Variants in OR1D2 observed in about 807,000 individuals in gnomAD.
OR1D2 encodes olfactory receptor 1D2.
For missense variants in OR1D2, 357 were observed against 376.1 expected (o/e 0.95, Z 0.42); for synonymous variants, 157 against 153.9 (o/e 1.02, Z -0.15).
rs1227669524 is a variant in OR1D2 at position 3,104,329 on chromosome 17, T to A, written c.-281A>T. On this transcript the variant is annotated 5_prime_UTR_variant, in exon 1 of 2. Coordinates refer to ENST00000641833, the MANE Select transcript of OR1D2 (RefSeq NM_002548.3). ...GGATTTCAGGCTATTGATGCCCCAATGAGATTTGTGGGATATGAGAACTGA... is the reference window on the plus strand; with the variant it reads ...GGATTTCAGGCTATTGATGCCCCAAAGAGATTTGTGGGATATGAGAACTGA... The A allele has an allele frequency of 6.6e-6, 1 of 152,068 alleles. No homozygotes were observed. The highest frequency in any genetic ancestry group is 1.9e-4 in the East Asian group (1 of 5,180). The allele number at this position is 152,068 out of a possible 1,614,324, so 9.4% of individuals were successfully genotyped here.
rs1158987352 is a variant in OR1D2, at chr17:3,091,905, A to T, written c.*153T>A. On this transcript the variant is annotated 3_prime_UTR_variant, in exon 2 of 2. Transcript: ENST00000641833. Reference sequence around the variant, plus strand: ...GATGAGACCTGGGGGACACCAGGTTACAAATATGTCTTTTTTATCACCACA... The same window carrying T: ...GATGAGACCTGGGGGACACCAGGTTTCAAATATGTCTTTTTTATCACCACA... 4.8e-6 allele frequency: 3 copies of T among 624,148 alleles called. No individual in the cohort carries two copies. Among genetic ancestry groups the T allele is most frequent in the East Asian group, 2.8e-5 (1 of 36,142 alleles). 38.7% of individuals were successfully genotyped at this position (624,148 alleles called of 1,614,324 possible). A position where few individuals can be genotyped will look rare whatever the true frequency, so the allele number is the denominator to read the frequency against.
chr17:3,103,309 C>T (rs549737432), intron 1 of OR1D2, among the ~76,000 whole-genome samples: 17 of 152,098 alleles, frequency 1.1e-4, no homozygotes, highest in Non-Finnish European at 2.2e-4. Context: ...GGCACGATCT[C>T]GGCTCACGGC....
At chr17:3,096,884 C>T (rs555712233) in intron 1 of OR1D2, among the ~76,000 whole-genome samples, 67 of 152,274 alleles carry the variant, frequency 4.4e-4, no homozygotes, top group South Asian at 2.3e-3. Context: ...GTCTATGTAA[C>T]GCTCTGCCCA....
chr17:3,091,252 C>T lies in OR1D2; in HGVS notation c.*806G>A, dbSNP rs1273281466. The T allele has an allele frequency of 1.3e-5, 2 of 152,170 alleles. No individual in the cohort carries two copies. Among genetic ancestry groups the T allele is most frequent in the Non-Finnish European group, 2.9e-5 (2 of 68,036 alleles). The allele number at this position is 152,170 out of a possible 1,614,324, so 9.4% of individuals were successfully genotyped here. A position where few individuals can be genotyped will look rare whatever the true frequency, so the allele number is the denominator to read the frequency against. ...CATCTTGTTGACATCACTCCTTTCA[C>T]CCGTTTTGAAATATCTTTTACCTGA... On this transcript the variant is annotated 3_prime_UTR_variant, in exon 2 of 2. Coordinates refer to ENST00000641833, the MANE Select transcript of OR1D2 (RefSeq NM_002548.3).
chr17:3,102,483 A>G (rs1361351352), intron 1 of OR1D2, among the ~76,000 whole-genome samples: 31 of 152,220 alleles, frequency 2.0e-4, no homozygotes, highest in Admixed American at 2.0e-3. Context: ...GGTGCTATGT[A>G]TATACATCTT....
chr17:3,098,213 C>T (rs1227815790), intron 1 of OR1D2, among the ~76,000 whole-genome samples: 1 of 152,206 alleles, frequency 6.6e-6, no homozygotes, highest in Non-Finnish European at 1.5e-5. Context: ...TGCCACCCAA[C>T]TGGGTGAGAC....
chr17:3,100,382 C>T (rs2047869239), intron 1 of OR1D2, among the ~76,000 whole-genome samples: 1 of 152,152 alleles, frequency 6.6e-6, no homozygotes, highest in African/African-American at 2.4e-5. Flanking sequence ...CATTCAAAAC[C>T]ACACAATTAC....
chr17:3,100,214 C>T (rs990487083), intron 1 of OR1D2, among the ~76,000 whole-genome samples: 3 of 152,130 alleles, frequency 2.0e-5, no homozygotes, highest in Non-Finnish European at 4.4e-5. Flanking sequence ...CTCTCCACCC[C>T]CAATCAACAA....
At chr17:3,103,762 A>G (rs557354833) in intron 1 of OR1D2, among the ~76,000 whole-genome samples, 10 of 152,170 alleles carry the variant, frequency 6.6e-5, no homozygotes, top group African/African-American at 2.4e-4. Context: ...CTTGCAGTGG[A>G]AACACTGGGC....
At chr17:3,094,919 C>T (rs944118672) in intron 1 of OR1D2, among the ~76,000 whole-genome samples, 1 of 151,832 alleles carries the variant, frequency 6.6e-6, no homozygotes, top group Non-Finnish European at 1.5e-5. Context: ...TAGTATTGAA[C>T]TAGCAGAAAA....
intron 1 of OR1D2, among the ~76,000 whole-genome samples, chr17:3,094,706 A>G (rs2047834843): frequency 1.3e-5 from 2 of 152,154 alleles, no homozygotes; most frequent in African/African-American, 4.8e-5. Flanking sequence ...GCCTTCTTTG[A>G]AAAGACCTCA....
At chr17:3,097,777 C>A (rs927612565) in intron 1 of OR1D2, among the ~76,000 whole-genome samples, 1 of 152,204 alleles carries the variant, frequency 6.6e-6, no homozygotes, top group African/African-American at 2.4e-5. Flanking sequence ...ACACTAAGCT[C>A]CCTGGGTGGG....
chr17:3,095,649 CTATA>C (rs1456440069), intron 1 of OR1D2, among the ~76,000 whole-genome samples: 5 of 151,554 alleles, frequency 3.3e-5, no homozygotes, highest in African/African-American at 1.2e-4. Flanking sequence ...TTGATATAAT[CTATA>C]TATCTATGTA....
intron 1 of OR1D2, among the ~76,000 whole-genome samples, chr17:3,097,469 C>T (rs2047851851): frequency 6.6e-6 from 1 of 152,184 alleles, no homozygotes; most frequent in Middle Eastern, 3.4e-3. Context: ...CACCCCCAAG[C>T]CAAGGGAGGT....
At chr17:3,103,527 T>G (rs2047883580) in intron 1 of OR1D2, among the ~76,000 whole-genome samples, 1 of 152,222 alleles carries the variant, frequency 6.6e-6, no homozygotes, top group African/African-American at 2.4e-5. Flanking sequence ...TCTCTTGAAG[T>G]CCTGAAGTCT....
chr17:3,098,697 T>C (rs4060717), intron 1 of OR1D2, among the ~76,000 whole-genome samples: 38,553 of 151,980 alleles, frequency 0.25, 7,334 homozygotes, highest in African/African-American at 0.53. Context: ...TTGACAGAAA[T>C]AGGCTTCAGA....
In OR1D2 at chr17:3,098,035, C is replaced by A. The variant is rs79214265; in HGVS notation, c.-50-4989G>T. Among the ~76,000 whole-genome samples the A allele has an allele frequency of 7.3e-3, 1,111 of 152,254 alleles. 17 individuals carry two copies. Among genetic ancestry groups the A allele is most frequent in the African/African-American group, 0.026 (1,072 of 41,540 alleles). On this transcript the variant is annotated intron_variant, in intron 1 of 1. Coordinates refer to ENST00000641833, the MANE Select transcript of OR1D2 (RefSeq NM_002548.3). Reference sequence around the variant, plus strand: ...GTACCCTGATCTCCCTGGGCCTGAGCCCCTAGCAGGAGAGGTGGCCGCAAT... The same window carrying A: ...GTACCCTGATCTCCCTGGGCCTGAGACCCTAGCAGGAGAGGTGGCCGCAAT...
chr17:3,100,276 G>A (rs1394642884), intron 1 of OR1D2, among the ~76,000 whole-genome samples: 2 of 152,076 alleles, frequency 1.3e-5, no homozygotes, highest in East Asian at 3.8e-4. Context: ...CACATAATTG[G>A]AAGTAAAACG....
intron 1 of OR1D2, among the ~76,000 whole-genome samples, chr17:3,094,086 G>A (rs2047830491): frequency 6.6e-6 from 1 of 152,158 alleles, no homozygotes; most frequent in South Asian, 2.1e-4. Flanking sequence ...CAGATCAGTA[G>A]AAACTTCACA....
Sources: allele counts gnomAD v4.1 joint callset (sites outside exome capture counted in the v4.1 genomes callset), GRCh38; gene constraint gnomAD v4.1.1; transcripts MANE v1.5; gene names NCBI Gene and HGNC (gene_info 2026-07-23, HGNC 2026-07-21).